Variants in PSG3 observed in about 807,000 individuals in gnomAD.
PSG3 encodes pregnancy-specific beta-1-glycoprotein 3.
Under a neutral mutation model 47.5 loss-of-function variants are expected in PSG3, and 61 were observed. That is an observed-to-expected ratio of 1.28 (90% CI 1.05 to 1.59). The LOEUF (loss-of-function observed/expected upper bound fraction) is 1.59. Among genes scored for constraint, PSG3 ranks in the 40% most tolerant of loss-of-function variants. PSG3 has a pLI of 0.00. For missense variants in PSG3, 756 were observed against 524.0 expected (o/e 1.44, Z -4.32); for synonymous variants, 263 against 198.4 (o/e 1.33, Z -2.74).
At position 42,732,995 on chromosome 19, in the gene PSG3, G is replaced by A. The variant is rs184311194; in HGVS notation, c.498C>T (p.Ser166=). Residue 166 remains serine (S), a synonymous_variant, in exon 3 of 7, where the codon AGC becomes AGT. Coordinates refer to ENST00000327495, the MANE Select transcript of PSG3 (RefSeq NM_021016.4). Reference sequence around the variant, plus strand: ...CCGGAGTCTCAGGATCACAGGTTAAGCTCACAGCCTCCATGTCCTCCCTGG... The same window carrying A: ...CCGGAGTCTCAGGATCACAGGTTAAACTCACAGCCTCCATGTCCTCCCTGG... The part of the protein sequence containing the change: ...LYPREDMEAV[S]LTCDPETPDA... 4 of 1,614,052 alleles carry A rather than the reference G, an allele frequency of 2.5e-6. No individual in the cohort carries two copies. Among genetic ancestry groups the A allele is most frequent in the African/African-American group, 2.7e-5 (2 of 74,916 alleles).
intron 2 of PSG3, among the ~76,000 whole-genome samples, chr19:42,735,424 T>C (rs1433828939): frequency 2.6e-5 from 4 of 152,128 alleles, no homozygotes; most frequent in African/African-American, 9.7e-5. Flanking sequence ...TGGAGTGCAG[T>C]GGCATGATCT....
Position 42,737,900 on chromosome 19 carries a change from C to T in PSG3, c.430+824G>A, listed in dbSNP as rs1392685945. On this transcript the variant is annotated intron_variant, in intron 2 of 6. Transcript: ENST00000327495. ...ATAAATGTTAAATGATTCACAGTCACGTGACCTAATTCTTGGCACAGTGGA... is the reference window on the plus strand; with the variant it reads ...ATAAATGTTAAATGATTCACAGTCATGTGACCTAATTCTTGGCACAGTGGA... Among the ~76,000 whole-genome samples the T allele has an allele frequency of 6.6e-5, 10 of 152,210 alleles. No homozygotes were observed. In the South Asian group the frequency reaches 1.0e-3, roughly 16 times the overall value.
At position 42,722,553 on chromosome 19, in the gene PSG3, C is replaced by G. The variant is rs182194603; in HGVS notation, c.*41-463G>C. Among the ~76,000 whole-genome samples, 1,141 of 152,264 alleles carry G rather than the reference C, an allele frequency of 7.5e-3. 10 individuals carry two copies. The highest frequency in any genetic ancestry group is 0.012 in the Non-Finnish European group (824 of 68,028). ...ACAGGCGTGAGCCATCGCACCCAGC[C>G]TAGAATACTCATATTATTAACATTC... On this transcript the variant is annotated intron_variant, in intron 6 of 6. Coordinates refer to ENST00000327495, the MANE Select transcript of PSG3 (RefSeq NM_021016.4).
intron 2 of PSG3, among the ~76,000 whole-genome samples, chr19:42,737,220 G>A (rs1037695073): frequency 6.6e-6 from 1 of 152,134 alleles, no homozygotes; most frequent in African/African-American, 2.4e-5. Flanking sequence ...AAGAGGTAGT[G>A]GGGGGATGAA....
Position 42,725,540 on chromosome 19 carries a change from G to T in PSG3, c.1244-1515C>A, listed in dbSNP as rs1157354609. ...AACTAGATTGACTAAGAAAAAAAGA[G>T]AAAAGTTTAAAATTCCTAAAATCAG... On this transcript the variant is annotated intron_variant, in intron 5 of 6. Coordinates refer to ENST00000327495, the MANE Select transcript of PSG3 (RefSeq NM_021016.4). 2.0e-5 allele frequency among the ~76,000 whole-genome samples: 3 copies of T among 152,108 alleles called. No individual in the cohort carries two copies. The East Asian group carries it at 5.8e-4, about 29-fold the overall frequency.
chr19:42,737,639 A>T (rs1243526071), intron 2 of PSG3, among the ~76,000 whole-genome samples: 1 of 152,194 alleles, frequency 6.6e-6, no homozygotes, highest in African/African-American at 2.4e-5. Context: ...TTGGATGCCT[A>T]AGAAGAGAGG....
intron 2 of PSG3, among the ~76,000 whole-genome samples, chr19:42,735,295 C>G (rs1358187786): frequency 6.6e-6 from 1 of 152,192 alleles, no homozygotes. Flanking sequence ...GACATATCCT[C>G]AAGCTAGGGA....
At chr19:42,725,711 C>T (rs1237279850) in intron 5 of PSG3, among the ~76,000 whole-genome samples, 2 of 151,598 alleles carry the variant, frequency 1.3e-5, no homozygotes, top group Non-Finnish European at 1.5e-5. Context: ...AATAAAAAAG[C>T]CAATTAGCTG....
intron 5 of PSG3, among the ~76,000 whole-genome samples, chr19:42,724,963 T>C (rs548324442): frequency 6.6e-6 from 1 of 152,284 alleles, no homozygotes; most frequent in South Asian, 2.1e-4. Flanking sequence ...CTGTATCTCA[T>C]TTAATCCACA....
chr19:42,740,279 T>G, intron 1 of PSG3, 42 bp downstream of exon 1: 1 of 1,613,830 alleles, frequency 6.2e-7, no homozygotes, highest in South Asian at 1.1e-5. Flanking sequence ...CCAGTCACTC[T>G]GCTTCCTCCT....
chr19:42,738,151 G>A (rs1394448361), intron 2 of PSG3, among the ~76,000 whole-genome samples: 19 of 152,200 alleles, frequency 1.2e-4, no homozygotes, highest in Admixed American at 2.6e-4. Context: ...GGTGAAGAAA[G>A]CTCTGTCCTT....
At position 42,725,899 on chromosome 19, in the gene PSG3, A is replaced by AAAAAAAG. The variant is rs1489896243; in HGVS notation, c.1244-1875_1244-1874insCTTTTTT. 8.4e-4 allele frequency among the ~76,000 whole-genome samples: 127 copies of AAAAAAAG among 150,994 alleles called. 1 individual carries two copies. Among genetic ancestry groups the AAAAAAAG allele is most frequent in the African/African-American group, 3.0e-3 (125 of 41,124 alleles). ...CTTCAACAACAACAACCAAAAAAAA[A>AAAAAAAG]AAAAAAAAAAGAAAAAAGAAAAATG... On this transcript the variant is annotated intron_variant, in intron 5 of 6. Coordinates refer to ENST00000327495, the MANE Select transcript of PSG3 (RefSeq NM_021016.4).
intron 3 of PSG3, among the ~76,000 whole-genome samples, chr19:42,731,631 T>A (rs1440407905): frequency 6.6e-6 from 1 of 151,846 alleles, no homozygotes; most frequent in African/African-American, 2.4e-5. Flanking sequence ...TCAGGTGAGA[T>A]TTAGGACAGT....
intron 2 of PSG3, among the ~76,000 whole-genome samples, chr19:42,737,911 T>G (rs562765514): frequency 8.5e-5 from 13 of 152,352 alleles, no homozygotes; most frequent in Middle Eastern, 3.4e-3. Context: ...GTGACCTAAT[T>G]CTTGGCACAG....
intron 2 of PSG3, among the ~76,000 whole-genome samples, chr19:42,737,120 C>T (rs561726655): frequency 5.9e-5 from 9 of 152,174 alleles, no homozygotes; most frequent in African/African-American, 2.2e-4. Context: ...CAGGTGCCCC[C>T]AGTTCCACAG....
In PSG3 at chr19:42,724,109, G is replaced by A. The variant is rs376213533; in HGVS notation, c.1244-84C>T. ...CCTCAGGAACAAGCATGTAACATGA[G>A]GTACTCTATAATTGTTTCTTCAAGG... is the stretch of plus-strand genomic sequence containing the variant. On this transcript the variant is annotated intron_variant, in intron 5 of 6. Coordinates refer to ENST00000327495, the MANE Select transcript of PSG3 (RefSeq NM_021016.4). 103 of 1,494,518 alleles carry A rather than the reference G, an allele frequency of 6.9e-5. 1 individual carries two copies. Among genetic ancestry groups the A allele is most frequent in the East Asian group, 3.6e-4 (16 of 44,148 alleles). The allele number at this position is 1,494,518 out of a possible 1,614,324, so 92.6% of individuals were successfully genotyped here. A position where few individuals can be genotyped will look rare whatever the true frequency, so the allele number is the denominator to read the frequency against.
At chr19:42,725,612 C>G (rs1455576519) in intron 5 of PSG3, among the ~76,000 whole-genome samples, 3 of 152,080 alleles carry the variant, frequency 2.0e-5, no homozygotes, top group Non-Finnish European at 4.4e-5. Context: ...TTAATCCTAG[C>G]ACTTTGGGAA....
rs778087634 is a variant in PSG3, at chr19:42,730,085, C to A, written c.710-29G>T. 1.9e-6 allele frequency: 3 copies of A among 1,604,110 alleles called. No homozygotes were observed. The African/African-American group carries it at 4.0e-5, about 21-fold the overall frequency. ...TGTGGATAACAGAGAGAAGATTGTC[C>A]TGTGTGGCACCTTTGATTCCTCCAC... is the stretch of plus-strand genomic sequence containing the variant. On this transcript the variant is annotated intron_variant, in intron 3 of 6. Transcript: ENST00000327495.
At chr19:42,731,531 C>T (rs1260951294) in intron 3 of PSG3, among the ~76,000 whole-genome samples, 1 of 152,078 alleles carries the variant, frequency 6.6e-6, no homozygotes, top group Non-Finnish European at 1.5e-5. Context: ...AGGCTGATTG[C>T]TATTTTCTAT....
Sources: gnomAD v4.1 joint callset for allele counts (sites outside exome capture counted in the v4.1 genomes callset) on GRCh38, gnomAD v4.1.1 for gene constraint, MANE v1.5 for transcripts, NCBI Gene and HGNC (gene_info 2026-07-23, HGNC 2026-07-21) for gene names.